The following SNTB1 variants were observed in gnomAD, a reference collection of about 807,000 sequenced individuals.
SNTB1 encodes beta-1-syntrophin.
SNTB1 carries 36 observed loss-of-function variants against 48.9 expected under a neutral mutation model. The observed-to-expected ratio is 0.74, with a 90% confidence interval of 0.56 to 0.97. The LOEUF (loss-of-function observed/expected upper bound fraction) is 0.97. Ranked by LOEUF, SNTB1 falls within the 50% of genes least tolerant of loss-of-function variation. The probability of loss-of-function intolerance (pLI) is 0.00; values close to 1 mark genes in which losing one functional copy is unlikely to be tolerated. For missense variants in SNTB1, 786 were observed against 703.4 expected (o/e 1.12, Z -1.33); for synonymous variants, 299 against 294.6 (o/e 1.01, Z -0.15).
chr8:120,563,375 AAT>A (rs1815695298), intron 4 of SNTB1, among the ~76,000 whole-genome samples: 1 of 152,094 alleles, frequency 6.6e-6, no homozygotes. Flanking sequence ...AAAGCTGAGG[AAT>A]GAGAATTGCT....
chr8:120,752,721 A>G (rs1819242445), intron 1 of SNTB1, among the ~76,000 whole-genome samples: 1 of 152,142 alleles, frequency 6.6e-6, no homozygotes, highest in Admixed American at 6.6e-5. Context: ...TAATGCAGGA[A>G]CAGAAAACCA....
chr8:120,785,460 G>A (rs1388332880), intron 1 of SNTB1, among the ~76,000 whole-genome samples: 1 of 152,188 alleles, frequency 6.6e-6, no homozygotes, highest in East Asian at 1.9e-4. Context: ...ACTGCCACCT[G>A]CTACTCCCCG....
chr8:120,641,409 T>C (rs1009662202), intron 2 of SNTB1, among the ~76,000 whole-genome samples: 2 of 152,206 alleles, frequency 1.3e-5, no homozygotes, highest in African/African-American at 2.4e-5. Flanking sequence ...AGGCTGGCAT[T>C]TGTTTTCAAA....
chr8:120,723,281 G>A (rs1818697712), intron 1 of SNTB1, among the ~76,000 whole-genome samples: 1 of 152,146 alleles, frequency 6.6e-6, no homozygotes, highest in African/African-American at 2.4e-5. Context: ...GTTTAAAGGA[G>A]CTGTATATGA....
intron 3 of SNTB1, among the ~76,000 whole-genome samples, chr8:120,621,887 C>G (rs1189832308): frequency 6.6e-6 from 1 of 152,204 alleles, no homozygotes; most frequent in Non-Finnish European, 1.5e-5. Context: ...CGATCCCCAG[C>G]AAAGCCACTT....
rs1291915353 is a variant in SNTB1, at chr8:120,606,433, GTA to G, written c.996+26009_996+26010del. Among the ~76,000 whole-genome samples the G allele has an allele frequency of 5.7e-3, 440 of 77,366 alleles. 3 individuals carry two copies. The highest frequency in any genetic ancestry group is 9.2e-3 in the South Asian group (20 of 2,174). The allele number at this position is 77,366 out of a possible 152,430, so 50.8% of individuals were successfully genotyped here. ...TATGTGTGTGTGTGTGTGTGTGTGT[GTA>G]TATACACACACTCCAAATCATTACA... On this transcript the variant is annotated intron_variant, in intron 3 of 6. Coordinates refer to ENST00000517992, the MANE Select transcript of SNTB1 (RefSeq NM_021021.4).
intron 2 of SNTB1, chr8:120,654,856 T>G: frequency 2.5e-6 from 1 of 401,478 alleles, no homozygotes; most frequent in East Asian, 7.7e-5. Flanking sequence ...ACTCACAACC[T>G]GACAACAAAA....
intron 3 of SNTB1, among the ~76,000 whole-genome samples, chr8:120,629,657 T>C (rs10095267): frequency 0.68 from 104,103 of 152,082 alleles, 35,907 homozygotes; most frequent in East Asian, 0.76. Flanking sequence ...ATTAAATATT[T>C]ATTCAAAAAA....
chr8:120,606,418 TG>T lies in SNTB1; in HGVS notation c.996+26025del, dbSNP rs748571835. 8.6e-3 allele frequency among the ~76,000 whole-genome samples: 1,203 copies of T among 139,622 alleles called. 13 individuals carry two copies. The highest frequency in any genetic ancestry group is 0.012 in the Middle Eastern group (3 of 254). 91.6% of individuals were successfully genotyped at this position (139,622 alleles called of 152,430 possible). On this transcript the variant is annotated intron_variant, in intron 3 of 6. Coordinates refer to ENST00000517992, the MANE Select transcript of SNTB1 (RefSeq NM_021021.4). ...GTGCGTGTGTGTATATATGTGTGTG[TG>T]TGTGTGTGTGTGTGTATATACACAC...
chr8:120,778,796 A>G (rs1462594327), intron 1 of SNTB1, among the ~76,000 whole-genome samples: 1 of 152,216 alleles, frequency 6.6e-6, no homozygotes, highest in Non-Finnish European at 1.5e-5. Context: ...CAGAATCACA[A>G]GTTGAGAAGC....
At chr8:120,649,657 G>GAGGC (rs1817372112) in intron 2 of SNTB1, among the ~76,000 whole-genome samples, 1 of 151,102 alleles carries the variant, frequency 6.6e-6, no homozygotes, top group Non-Finnish European at 1.5e-5. Flanking sequence ...GGAGCCTACA[G>GAGGC]AGGCAGGCAG....
At chr8:120,653,744 AG>A (rs1217884753) in intron 2 of SNTB1, among the ~76,000 whole-genome samples, 2 of 152,244 alleles carry the variant, frequency 1.3e-5, no homozygotes, top group African/African-American at 4.8e-5. Flanking sequence ...GGAGTTAAAA[AG>A]TTGTCTTCTT....
chr8:120,656,824 T>C (rs756774450), intron 2 of SNTB1, among the ~76,000 whole-genome samples: 1 of 152,190 alleles, frequency 6.6e-6, no homozygotes, highest in South Asian at 2.1e-4. Flanking sequence ...CATTAGTATG[T>C]CCCATGTAAT....
intron 1 of SNTB1, among the ~76,000 whole-genome samples, chr8:120,766,561 T>C (rs763307031): frequency 2.1e-4 from 32 of 152,204 alleles, no homozygotes; most frequent in Non-Finnish European, 8.8e-5. Context: ...TTCTAAAAAT[T>C]CATTAAGTCA....
Position 120,693,707 on chromosome 8 carries a change from G to A in SNTB1, c.773C>T (p.Ala258Val). The A allele has an allele frequency of 6.2e-7, 1 of 1,613,856 alleles. No homozygotes were observed. Among genetic ancestry groups the A allele is most frequent in the Non-Finnish European group, 8.5e-7 (1 of 1,179,894 alleles). Residue 258 changes from alanine to valine, a missense_variant, in exon 2 of 7, where the codon GCC becomes GTC. Physicochemically the swap from Ala to Val is moderately conservative, Grantham distance 64. Transcript: ENST00000517992. ...MCYVTRSMAL[A>V]DPENRQLEIH... ...CCCTATTTACCTGTTCTCAGGGTCGGCCAAGGCCATACTCCGAGTGACGTA... is the reference window on the plus strand; with the variant it reads ...CCCTATTTACCTGTTCTCAGGGTCGACCAAGGCCATACTCCGAGTGACGTA...
chr8:120,539,220 T>A (rs766821777), intron 6 of SNTB1, among the ~76,000 whole-genome samples: 15 of 152,224 alleles, frequency 9.9e-5, no homozygotes, highest in Non-Finnish European at 1.9e-4. Context: ...TAAATATTGA[T>A]GTTGCCCTTC....
At position 120,733,112 on chromosome 8, in the gene SNTB1, C is replaced by A. The variant is rs541996878; in HGVS notation, c.572-39204G>T. Among the ~76,000 whole-genome samples, 3 of 152,314 alleles carry A rather than the reference C, an allele frequency of 2.0e-5. No homozygotes were observed. In the South Asian group the frequency reaches 6.2e-4, roughly 32 times the overall value. ...ACAGGCCCTGACTGGGAGTACAAAT[C>A]GTGTATATGCCAAGTATGAGGTAGA... On this transcript the variant is annotated intron_variant, in intron 1 of 6. Coordinates refer to ENST00000517992, the MANE Select transcript of SNTB1 (RefSeq NM_021021.4).
chr8:120,549,369 G>A (rs1292542995), intron 4 of SNTB1, among the ~76,000 whole-genome samples: 1 of 152,158 alleles, frequency 6.6e-6, no homozygotes, highest in Non-Finnish European at 1.5e-5. Context: ...TGTGTCTCTT[G>A]TAGTTTGAAC....
chr8:120,587,702 A>G (rs1450826092), intron 3 of SNTB1, among the ~76,000 whole-genome samples: 1 of 152,222 alleles, frequency 6.6e-6, no homozygotes, highest in Non-Finnish European at 1.5e-5. Flanking sequence ...GTGCTCTCTC[A>G]CGGACCTTCT....
Sources: allele counts gnomAD v4.1 joint callset (sites outside exome capture counted in the v4.1 genomes callset), GRCh38; gene constraint gnomAD v4.1.1; transcripts MANE v1.5; gene names NCBI Gene and HGNC (gene_info 2026-07-23, HGNC 2026-07-21).